DIAPH2: variants seen among roughly 807,000 people sequenced by gnomAD.
DIAPH2 encodes the protein protein diaphanous homolog 2.
A neutral mutation model predicts 92.7 loss-of-function variants in DIAPH2; 35 were observed. The observed-to-expected ratio is 0.38, with a 90% CI of 0.29 to 0.50. The LOEUF is 0.50. Ranked by LOEUF, DIAPH2 falls within the 20% of genes least tolerant of loss-of-function variation. The pLI is 0.94. For synonymous variants in DIAPH2, 301 were observed against 280.4 expected (o/e 1.07, Z -0.73); for missense variants, 701 against 819.5 (o/e 0.86, Z 1.77).
chrX:97,550,556 G>A (rs760834049), intron 26 of DIAPH2, among the ~76,000 whole-genome samples: 20 of 110,623 alleles, frequency 1.8e-4, no homozygotes, highest in African/African-American at 6.6e-4. Flanking sequence ...CCACTGCCAT[G>A]CATATGACAA....
chrX:97,591,864 A>G (rs1602688246), intron 26 of DIAPH2, among the ~76,000 whole-genome samples: 1 of 112,444 alleles, frequency 8.9e-6, no homozygotes, highest in East Asian at 2.8e-4. Flanking sequence ...TGCATGGCTC[A>G]TATACAAAAC....
At chrX:96,973,472 A>G (rs2065939961) in intron 17 of DIAPH2, among the ~76,000 whole-genome samples, 1 of 111,821 alleles carries the variant, frequency 8.9e-6, no homozygotes, top group Non-Finnish European at 1.9e-5. Context: ...CACTCCAGCC[A>G]GGATGGCAGA....
intron 4 of DIAPH2, among the ~76,000 whole-genome samples, chrX:96,810,680 T>A (rs2064671507): frequency 1.8e-5 from 2 of 111,793 alleles, no homozygotes; most frequent in Admixed American, 1.9e-4. Flanking sequence ...TAATCCATCT[T>A]GAATTAATTT....
intron 26 of DIAPH2, chrX:97,449,674 G>A: frequency 1.3e-6 from 1 of 751,896 alleles, no homozygotes. Flanking sequence ...AATTTCATCT[G>A]ACTAAATCTC....
intron 23 of DIAPH2, among the ~76,000 whole-genome samples, chrX:97,271,803 A>T (rs1163683164): frequency 3.2e-5 from 2 of 63,045 alleles, no homozygotes; most frequent in Non-Finnish European, 6.2e-5. Flanking sequence ...TGCAATGACT[A>T]TATATATATG....
chrX:96,841,476 T>C (rs2147702118), intron 4 of DIAPH2, among the ~76,000 whole-genome samples: 1 of 111,936 alleles, frequency 8.9e-6, no homozygotes, highest in South Asian at 3.8e-4. Context: ...CCACGACTTT[T>C]ATAAGAGCCT....
chrX:96,921,558 CAGTG>C (rs1268216438), intron 9 of DIAPH2, among the ~76,000 whole-genome samples: 1 of 111,572 alleles, frequency 9.0e-6, no homozygotes, highest in Non-Finnish European at 1.9e-5. Flanking sequence ...AAAAGATTTA[CAGTG>C]AGTGACTAAT....
At chrX:97,284,742 C>A (rs2147604441) in intron 23 of DIAPH2, among the ~76,000 whole-genome samples, 1 of 111,106 alleles carries the variant, frequency 9.0e-6, no homozygotes, top group Non-Finnish European at 1.9e-5. Flanking sequence ...AGGAAGTTCT[C>A]AAATTGTGAA....
intron 26 of DIAPH2, 69 bp from the exon 27 acceptor site, chrX:97,599,184 C>A: frequency 1.3e-6 from 1 of 779,927 alleles, no homozygotes; most frequent in Non-Finnish European, 1.8e-6. Flanking sequence ...CTTTCTCAAC[C>A]TAACATCATG....
chrX:97,428,047 C>T (rs779160588), intron 25 of DIAPH2, among the ~76,000 whole-genome samples: 1 of 111,040 alleles, frequency 9.0e-6, no homozygotes, highest in Non-Finnish European at 1.9e-5. Context: ...GGCTCTACTT[C>T]ATTTTTCCTG....
chrX:97,588,152 C>T (rs1349755937), intron 26 of DIAPH2, among the ~76,000 whole-genome samples: 1 of 111,989 alleles, frequency 8.9e-6, no homozygotes. Context: ...AGTGTAAGTA[C>T]CATTATTATC....
intron 17 of DIAPH2, among the ~76,000 whole-genome samples, chrX:96,973,334 C>CA (rs1213174871): frequency 9.0e-6 from 1 of 111,194 alleles, no homozygotes; most frequent in African/African-American, 3.3e-5. Flanking sequence ...CCCATCTCTG[C>CA]AAAAAGTACA....
At chrX:97,313,446 GTGC>G (rs1405529271) in intron 23 of DIAPH2, among the ~76,000 whole-genome samples, 2 of 111,499 alleles carry the variant, frequency 1.8e-5, no homozygotes, top group Admixed American at 9.5e-5. Context: ...CTTTGTCATC[GTGC>G]TGCTTCTTTC....
chrX:96,755,685 C>T (rs963111222), intron 3 of DIAPH2, among the ~76,000 whole-genome samples: 2 of 103,971 alleles, frequency 1.9e-5, no homozygotes, highest in East Asian at 6.0e-4. Context: ...AACATTGATA[C>T]TGTTCTTCGC....
intron 25 of DIAPH2, among the ~76,000 whole-genome samples, chrX:97,404,669 A>G (rs974339997): frequency 8.9e-6 from 1 of 112,086 alleles, no homozygotes; most frequent in Non-Finnish European, 1.9e-5. Flanking sequence ...ATGTTAGGGG[A>G]AAAATTGAAT....
At chrX:97,083,528 C>A (rs1380422546) in intron 19 of DIAPH2, among the ~76,000 whole-genome samples, 1 of 111,332 alleles carries the variant, frequency 9.0e-6, no homozygotes, top group East Asian at 2.8e-4. Context: ...TTATTTTTGA[C>A]TACTGTCCTG....
At chrX:97,148,074 C>T (rs1027907421) in intron 22 of DIAPH2, among the ~76,000 whole-genome samples, 2 of 111,410 alleles carry the variant, frequency 1.8e-5, no homozygotes, top group African/African-American at 6.5e-5. Context: ...ATTATCTAGT[C>T]CCTGCTAAAA....
intron 17 of DIAPH2, among the ~76,000 whole-genome samples, chrX:96,984,589 G>A (rs1241236923): frequency 3.6e-5 from 4 of 111,462 alleles, no homozygotes; most frequent in African/African-American, 1.3e-4. Flanking sequence ...CAGTGATATT[G>A]CTGGTCAGGG....
At chrX:97,185,310 T>A (rs555905926) in intron 22 of DIAPH2, among the ~76,000 whole-genome samples, 640 of 38,031 alleles carry the variant, frequency 0.017, 77 homozygotes, top group East Asian at 0.036. Context: ...AAAAAAAATA[T>A]ATATATATAT....
Sources: gnomAD v4.1 joint callset for allele counts (sites outside exome capture counted in the v4.1 genomes callset) on GRCh38, gnomAD v4.1.1 for gene constraint, MANE v1.5 for transcripts, NCBI Gene and HGNC (gene_info 2026-07-23, HGNC 2026-07-21) for gene names.